GOLGA8H: variants seen among roughly 807,000 people sequenced by gnomAD.
GOLGA8H encodes the protein golgin subfamily A member 8H.
In GOLGA8H, 47 loss-of-function variants were observed where a neutral mutation model predicts 82.7. The ratio of observed to expected loss-of-function variants is 0.57; its 90% CI spans 0.45 to 0.73. The LOEUF is 0.73. Ranked by LOEUF, GOLGA8H falls within the 30% of genes least tolerant of loss-of-function variation. GOLGA8H has a pLI of 0.00. For synonymous variants in GOLGA8H, 108 were observed against 241.6 expected, an observed-to-expected ratio of 0.45 and a Z score of 5.13; for missense variants, 372 against 661.0, an observed-to-expected ratio of 0.56 and a Z score of 4.79.
chr15:30,606,427 C>A (rs62018322), intron 2 of GOLGA8H, among the ~76,000 whole-genome samples: 33,007 of 149,996 alleles, frequency 0.22, 4,397 homozygotes, highest in Non-Finnish European at 0.27. Flanking sequence ...TGATTTAGGG[C>A]AAGTTGCTAG....
At position 30,606,859 on chromosome 15, in the gene GOLGA8H, C is replaced by CA. The variant is rs2059931562; in HGVS notation, c.175dup (p.Thr59AsnfsTer102). On this transcript the variant is annotated frameshift_variant, in exon 3 of 19. Coordinates refer to ENST00000566740, the MANE Select transcript of GOLGA8H (RefSeq NM_001282490.2). LOFTEE classifies it high-confidence loss of function. ...GTGCACTCTCATCTCTTGTAGTCAGCAACAGGTTTCCACAGGGAAGGCCCT... is the reference window on the plus strand; with the variant it reads ...GTGCACTCTCATCTCTTGTAGTCAGCAAACAGGTTTCCACAGGGAAGGCCCT... 1 of 1,532,758 alleles carries CA rather than the reference C, an allele frequency of 6.5e-7. No homozygotes were observed. Among genetic ancestry groups the CA allele is most frequent in the African/African-American group, 1.4e-5 (1 of 72,084 alleles). The allele number at this position is 1,532,758 out of a possible 1,614,324, so 94.9% of individuals were successfully genotyped here.
At chr15:30,609,639 C>T (rs1425122217) in intron 8 of GOLGA8H, among the ~76,000 whole-genome samples, 167 bp from the exon 9 acceptor site, 15 of 151,350 alleles carry the variant, frequency 9.9e-5, no homozygotes, top group African/African-American at 3.4e-4. Flanking sequence ...ATTCCCTGTC[C>T]GTTCCAACTT....
Position 30,610,075 on chromosome 15 carries a change from G to A in GOLGA8H, c.755G>A (p.Trp252Ter), listed in dbSNP as rs150702650. The A allele has an allele frequency of 3.7e-5, 59 of 1,611,268 alleles. 1 individual carries two copies. The East Asian group carries it at 1.2e-3, about 32-fold the overall frequency. The change falls in exon 10 of 19, where the codon TGG (tryptophan) becomes TAG (stop). Residue 252 changes from tryptophan to a stop codon, truncating the protein, a stop_gained. Transcript: ENST00000566740. LOFTEE classifies it high-confidence loss of function. ...AEHLKGERAR[W>*]QQRMRKMSQE... Reference sequence around the variant, plus strand: ...CATCTAAAAGGAGAGAGGGCCCGGTGGCAGCAGAGGATGAGAAAAATGTCG... The same window carrying A: ...CATCTAAAAGGAGAGAGGGCCCGGTAGCAGCAGAGGATGAGAAAAATGTCG...
chr15:30,606,170 C>G (rs1365515092), intron 2 of GOLGA8H, among the ~76,000 whole-genome samples: 1 of 151,516 alleles, frequency 6.6e-6, no homozygotes, highest in Non-Finnish European at 1.5e-5. Flanking sequence ...CTGGTTAACA[C>G]GGTGAAACCC....
Position 30,605,915 on chromosome 15 carries a change from A to T in GOLGA8H, c.121A>T (p.Ser41Cys), listed in dbSNP as rs781076255. 3 of 1,594,394 alleles carry T rather than the reference A, an allele frequency of 1.9e-6. No individual in the cohort carries two copies. In the Admixed American group the frequency reaches 5.1e-5, roughly 27 times the overall value. Residue 41 changes from serine to cysteine, a missense_variant, in exon 2 of 19, where the codon AGT becomes TGT. Coordinates refer to ENST00000566740, the MANE Select transcript of GOLGA8H (RefSeq NM_001282490.2). ...GAACAGGAACAGGAAAACAAATGGC[A>T]GTGTCCCTGAGAAAGCCACTTCTGG... ...GANRNRKTNG[S>C]VPEKATSGGC...
intron 1 of GOLGA8H, 116 bp downstream of exon 1, chr15:30,604,289 C>T (rs1432573774): frequency 1.3e-5 from 19 of 1,508,960 alleles, no homozygotes; most frequent in South Asian, 8.4e-5. Flanking sequence ...CCCCCTACCC[C>T]GGTGCCTCTG....
chr15:30,609,348 T>C (rs2140829724), intron 8 of GOLGA8H, among the ~76,000 whole-genome samples: 2 of 130,006 alleles, frequency 1.5e-5, no homozygotes, highest in South Asian at 5.3e-4. Context: ...AAAAACGGGC[T>C]TAGAGAATTG....
rs2060032384 is a variant in GOLGA8H, at chr15:30,612,253, C to T, written c.1201-344C>T. 4 of 132,880 alleles carry T rather than the reference C, an allele frequency of 3.0e-5. No homozygotes were observed. The South Asian group carries it at 9.7e-4, about 32-fold the overall frequency. 8.2% of individuals were successfully genotyped at this position (132,880 alleles called of 1,614,324 possible). A position where few individuals can be genotyped will look rare whatever the true frequency, so the allele number is the denominator to read the frequency against. On this transcript the variant is annotated intron_variant, in intron 13 of 18. Transcript: ENST00000566740. ...ACCAGCCACCACATGCCCTCACACC[C>T]AGGGTCTTCCTGCAGGTGGAGCTGA...
rs1198191830 is a variant in GOLGA8H at position 30,616,840 on chromosome 15, T to C, written c.*2279T>C. ...CACTTCACTTTTACCCTGATAAATA[T>C]CAGTGACTAGAATGACCTTCGGATA... On this transcript the variant is annotated 3_prime_UTR_variant, in exon 19 of 19. Coordinates refer to ENST00000566740, the MANE Select transcript of GOLGA8H (RefSeq NM_001282490.2). The C allele has an allele frequency of 1.3e-5, 2 of 151,056 alleles. No individual in the cohort carries two copies. Among genetic ancestry groups the C allele is most frequent in the African/African-American group, 4.9e-5 (2 of 40,812 alleles). 9.4% of individuals were successfully genotyped at this position (151,056 alleles called of 1,614,324 possible).
At position 30,609,825 on chromosome 15, in the gene GOLGA8H, C is replaced by T. The variant is rs772388965; in HGVS notation, c.611C>T (p.Ala204Val). The T allele has an allele frequency of 1.5e-5, 23 of 1,585,242 alleles. No homozygotes were observed. The South Asian group carries it at 1.7e-4, about 12-fold the overall frequency. Reference sequence around the variant, plus strand: ...ATCCAGTTGTCCAGCCGCAGCAAAGCACGTACGGAGTGGAAGTTAGAGCAG... The same window carrying T: ...ATCCAGTTGTCCAGCCGCAGCAAAGTACGTACGGAGTGGAAGTTAGAGCAG... ...KANQLSSRSK[A>V]RTEWKLEQSM... The change falls in exon 9 of 19, where the codon GCA (alanine) becomes GTA (valine). Residue 204 changes from alanine (A) to valine (V), a missense_variant. Transcript: ENST00000566740.
chr15:30,608,467 G>T lies in GOLGA8H; in HGVS notation c.397G>T (p.Val133Phe), dbSNP rs778227086. 3.7e-6 allele frequency: 6 copies of T among 1,609,984 alleles called. No homozygotes were observed. The highest frequency in any genetic ancestry group is 2.2e-5 in the East Asian group (1 of 44,776). ...KKQKAKRVLE[V>F]QIQTLNIQKG... ...CACTTGCTTGGCTTTTCTCCCAAAG[G>T]TTCAAATCCAGACATTGAACATACA... Residue 133 changes from valine to phenylalanine, a missense_variant and splice_region_variant, in exon 7 of 19, where the codon GTT becomes TTT. Transcript: ENST00000566740.
Position 30,610,012 on chromosome 15 carries a change from T to G in GOLGA8H, c.692T>G (p.Phe231Cys), listed in dbSNP as rs1255766832. 4.3e-6 allele frequency: 7 copies of G among 1,611,610 alleles called. No individual in the cohort carries two copies. In the African/African-American group the frequency reaches 8.0e-5, roughly 18 times the overall value. Residue 231 changes from phenylalanine to cysteine, a missense_variant, in exon 10 of 19, where the codon TTT (phenylalanine) becomes TGT (cysteine). Physicochemically the swap from Phe to Cys is radical, Grantham distance 205 (BLOSUM62 -2). Coordinates refer to ENST00000566740, the MANE Select transcript of GOLGA8H (RefSeq NM_001282490.2). ...KVQLTQLKES[F>C]QQVQLERDEC... ...CCATTCTTGCAGTTGAAGGAGTCAT[T>G]TCAACAAGTCCAATTAGAAAGAGAT...
In GOLGA8H at chr15:30,616,224, T is replaced by C. The variant is rs1367318835; in HGVS notation, c.*1663T>C. On this transcript the variant is annotated 3_prime_UTR_variant, in exon 19 of 19. Transcript: ENST00000566740. ...ACTTCATGAAGTTCTAATGTCTGTGTTCCAAAACACATCACATTGTTAGGA... is the reference window on the plus strand; with the variant it reads ...ACTTCATGAAGTTCTAATGTCTGTGCTCCAAAACACATCACATTGTTAGGA... Among the ~76,000 whole-genome samples, 1 of 150,938 alleles carries C rather than the reference T, an allele frequency of 6.6e-6. No individual in the cohort carries two copies. The highest frequency in any genetic ancestry group is 2.4e-5 in the African/African-American group (1 of 40,950).
chr15:30,617,258 C>G lies in GOLGA8H; in HGVS notation c.*2697C>G, dbSNP rs1280660083. The G allele has an allele frequency of 6.6e-6, 1 of 151,710 alleles. No homozygotes were observed. The highest frequency in any genetic ancestry group is 1.9e-4 in the East Asian group (1 of 5,172). 9.4% of individuals were successfully genotyped at this position (151,710 alleles called of 1,614,324 possible). On this transcript the variant is annotated 3_prime_UTR_variant, in exon 19 of 19. Transcript: ENST00000566740. The stretch of plus-strand genomic sequence containing the variant: ...ACATTTTAATTTCTGTAGGAAGAAT[C>G]AAAACACCTATTTAAAGATGGCAAT...
rs2060098890 is a variant in GOLGA8H, at chr15:30,615,850, T to G, written c.*1289T>G. 4.2e-5 allele frequency among the ~76,000 whole-genome samples: 6 copies of G among 143,600 alleles called. No individual in the cohort carries two copies. The highest frequency in any genetic ancestry group is 3.0e-5 in the Non-Finnish European group (2 of 65,710). The allele number at this position is 143,600 out of a possible 152,430, so 94.2% of individuals were successfully genotyped here. A position where few individuals can be genotyped will look rare whatever the true frequency, so the allele number is the denominator to read the frequency against. On this transcript the variant is annotated 3_prime_UTR_variant, in exon 19 of 19. Transcript: ENST00000566740. ...AAACATTATTATAAACTAATATATG[T>G]GAGATACTTAGTTGAAACAAAAAGG...
In GOLGA8H at chr15:30,608,739, A is replaced by C. The variant is rs748204302; in HGVS notation, c.574A>C (p.Lys192Gln). The change falls in exon 8 of 19, where the codon AAG (lysine) becomes CAG (glutamine). Residue 192 changes from lysine to glutamine, a missense_variant. Transcript: ENST00000566740. ...TCTCTCTAATGTCATGGCCACACAG[A>C]AGAAGAAGGCAAACCAGGTGAGTCC... ...SVLSNVMATQ[K>Q]KKANQLSSRS... is the part of the protein sequence containing the mutation. The C allele has an allele frequency of 6.6e-7, 1 of 1,505,004 alleles. No individual in the cohort carries two copies. Among genetic ancestry groups the C allele is most frequent in the Non-Finnish European group, 9.0e-7 (1 of 1,116,200 alleles). 93.2% of individuals were successfully genotyped at this position (1,505,004 alleles called of 1,614,324 possible). A position where few individuals can be genotyped will look rare whatever the true frequency, so the allele number is the denominator to read the frequency against.
chr15:30,609,075 C>T lies in GOLGA8H; in HGVS notation c.591+319C>T, dbSNP rs1389491172. On this transcript the variant is annotated intron_variant, in intron 8 of 18. Coordinates refer to ENST00000566740, the MANE Select transcript of GOLGA8H (RefSeq NM_001282490.2). ...CTACTGTGAAGGTACAGAAGAGTAC[C>T]TTTAGTATGTTACCATTTCTGTAGA... Among the ~76,000 whole-genome samples, 3 of 126,426 alleles carry T rather than the reference C, an allele frequency of 2.4e-5. No homozygotes were observed. In the East Asian group the frequency reaches 6.0e-4, roughly 25 times the overall value. The allele number at this position is 126,426 out of a possible 152,430, so 82.9% of individuals were successfully genotyped here. A position where few individuals can be genotyped will look rare whatever the true frequency, so the allele number is the denominator to read the frequency against.
At chr15:30,609,780 G>T in intron 8 of GOLGA8H, 26 bp from the exon 9 acceptor site, 1 of 1,543,560 alleles carries the variant, frequency 6.5e-7, no homozygotes. Context: ...TCTCCAGATT[G>T]AAACTTCTCA....
At chr15:30,606,045 C>A (rs1180590582) in intron 2 of GOLGA8H, 83 bp downstream of exon 2, 8 of 1,529,528 alleles carry the variant, frequency 5.2e-6, no homozygotes, top group Non-Finnish European at 7.0e-6. Flanking sequence ...GGATGGACTG[C>A]TGGGTACTGG....
Sources: allele counts gnomAD v4.1 joint callset (sites outside exome capture counted in the v4.1 genomes callset), GRCh38; gene constraint gnomAD v4.1.1; transcripts MANE v1.5; gene names NCBI Gene and HGNC (gene_info 2026-07-23, HGNC 2026-07-21).